FRMD6: variants seen among roughly 807,000 people sequenced by gnomAD.
The protein encoded by FRMD6 is FERM domain-containing protein 6.
A neutral mutation model predicts 73.2 loss-of-function variants in FRMD6; 37 were observed. The observed-to-expected ratio is 0.51, with a 90% CI of 0.39 to 0.66. FRMD6 has a LOEUF of 0.66. FRMD6 is among the 30% of genes least tolerant of loss of function. The pLI is 0.00. For missense variants in FRMD6, 714 were observed against 780.5 expected (o/e 0.91, Z 1.02); for synonymous variants, 273 against 282.2 (o/e 0.97, Z 0.33).
the FRMD6 span, among the ~76,000 whole-genome samples, chr14:51,428,995 G>GA: frequency 1.9e-3 from 256 of 136,140 alleles, 14 homozygotes; most frequent in African/African-American, 6.5e-3. Context: ...GAGAGAGGGT[G>GA]GGAGAGAGAG....
intron 10 of FRMD6, 43 bp downstream of exon 10, chr14:51,715,542 C>T: frequency 3.4e-6 from 5 of 1,490,670 alleles, no homozygotes; most frequent in Non-Finnish European, 3.6e-6. Context: ...GTACCTTTGC[C>T]ACCTGTGGCC....
chr14:51,517,412 A>G (rs1478718085), intron 1 of FRMD6, among the ~76,000 whole-genome samples: 1 of 152,212 alleles, frequency 6.6e-6, no homozygotes, highest in African/African-American at 2.4e-5. Context: ...AGATATAAAA[A>G]TCCTTAGTGA....
the FRMD6 span, among the ~76,000 whole-genome samples, chr14:51,472,812 A>G: frequency 1.3e-5 from 2 of 152,202 alleles, no homozygotes; most frequent in Non-Finnish European, 2.9e-5. Context: ...GTACTCAAGC[A>G]CTGAGGCGCC....
chr14:51,444,834 G>A, the FRMD6 span, among the ~76,000 whole-genome samples: 1 of 152,112 alleles, frequency 6.6e-6, no homozygotes, highest in Non-Finnish European at 1.5e-5. Context: ...GTCGATGTTG[G>A]TGTCTAGAGA....
intron 1 of FRMD6, among the ~76,000 whole-genome samples, chr14:51,495,490 G>C (rs865992366): frequency 3.3e-5 from 5 of 152,166 alleles, no homozygotes; most frequent in South Asian, 2.1e-4. Flanking sequence ...AGCTCTTCTG[G>C]CAAATTGCCA....
At chr14:51,591,777 G>A (rs973393216) in intron 2 of FRMD6, among the ~76,000 whole-genome samples, 1 of 152,074 alleles carries the variant, frequency 6.6e-6, no homozygotes, top group African/African-American at 2.4e-5. Flanking sequence ...TCCTGACTTC[G>A]TGATCCACCC....
chr14:51,694,543 T>G (rs1045811144), intron 2 of FRMD6, among the ~76,000 whole-genome samples: 1 of 151,984 alleles, frequency 6.6e-6, no homozygotes, highest in Non-Finnish European at 1.5e-5. Context: ...ATTTAAAAAT[T>G]AGCCAGGCAT....
the FRMD6 span, among the ~76,000 whole-genome samples, chr14:51,475,476 AG>A: frequency 1.3e-5 from 2 of 152,204 alleles, no homozygotes; most frequent in African/African-American, 4.8e-5. Context: ...CCCAGGTTCT[AG>A]GAGGGCTGTG....
intron 2 of FRMD6, among the ~76,000 whole-genome samples, chr14:51,592,920 C>T (rs945077651): frequency 6.6e-6 from 1 of 152,160 alleles, no homozygotes; most frequent in African/African-American, 2.4e-5. Context: ...CAATGAAAGA[C>T]AAAACCTGTG....
At chr14:51,696,721 C>A (rs1895960549) in intron 2 of FRMD6, among the ~76,000 whole-genome samples, 2 of 144,562 alleles carry the variant, frequency 1.4e-5, no homozygotes, top group South Asian at 4.4e-4. Context: ...AAGACCAGCC[C>A]AGGCAACGTA....
chr14:51,590,944 CT>C (rs1889349801), intron 2 of FRMD6, among the ~76,000 whole-genome samples: 1 of 152,224 alleles, frequency 6.6e-6, no homozygotes, highest in Non-Finnish European at 1.5e-5. Flanking sequence ...TTGCCTTTTT[CT>C]TCAAATGAAA....
chr14:51,484,002 G>C, the FRMD6 span, among the ~76,000 whole-genome samples: 1 of 152,170 alleles, frequency 6.6e-6, no homozygotes, highest in Non-Finnish European at 1.5e-5. Flanking sequence ...TATGAAGAGT[G>C]TGTGCTATTT....
intron 1 of FRMD6, among the ~76,000 whole-genome samples, chr14:51,656,417 C>CTT (rs1441277198): frequency 3.4e-5 from 5 of 147,298 alleles, no homozygotes; most frequent in African/African-American, 2.5e-5. Context: ...ATTTTCTTTT[C>CTT]TTTTTTTTTT....
At chr14:51,538,080 C>T (rs960766081) in intron 1 of FRMD6, among the ~76,000 whole-genome samples, 1 of 152,118 alleles carries the variant, frequency 6.6e-6, no homozygotes, top group Non-Finnish European at 1.5e-5. Flanking sequence ...GTCATCACTG[C>T]ACCCAAGGTC....
the FRMD6 span, among the ~76,000 whole-genome samples, chr14:51,408,394 C>T: frequency 6.6e-6 from 1 of 152,106 alleles, no homozygotes; most frequent in Non-Finnish European, 1.5e-5. Context: ...TTCAGGAATA[C>T]TGCTTGAATT....
intron 1 of FRMD6, among the ~76,000 whole-genome samples, chr14:51,539,421 T>C (rs1454438024): frequency 6.6e-6 from 1 of 152,188 alleles, no homozygotes; most frequent in Non-Finnish European, 1.5e-5. Context: ...GTTTTTCTCA[T>C]TATTATATTT....
rs138503326 is a variant in FRMD6 at position 51,556,407 on chromosome 14, T to C, written c.-209-13941T>C. Among the ~76,000 whole-genome samples, 51 of 152,358 alleles carry C rather than the reference T, an allele frequency of 3.3e-4. No homozygotes were observed. The East Asian group carries it at 7.1e-3, about 21-fold the overall frequency. On this transcript the variant is annotated intron_variant, in intron 1 of 14. Coordinates refer to the FRMD6 transcript ENST00000356218. ...CATTTCATAGCCCCAGTTTACTTTGTAGAATTTCACATTGTGAGTAGGTGA... is the reference window on the plus strand; with the variant it reads ...CATTTCATAGCCCCAGTTTACTTTGCAGAATTTCACATTGTGAGTAGGTGA...
intron 1 of FRMD6, among the ~76,000 whole-genome samples, chr14:51,556,792 G>T (rs1400810590): frequency 6.6e-6 from 1 of 152,054 alleles, no homozygotes; most frequent in Admixed American, 6.6e-5. Flanking sequence ...TTCCCGAGCT[G>T]CCCCTGTCTC....
chr14:51,536,967 A>G (rs1400758867), intron 1 of FRMD6, among the ~76,000 whole-genome samples: 3 of 152,164 alleles, frequency 2.0e-5, no homozygotes, highest in Non-Finnish European at 2.9e-5. Flanking sequence ...AGTCTCCCCA[A>G]CTATCAACAT....
Sources: allele counts gnomAD v4.1 joint callset (sites outside exome capture counted in the v4.1 genomes callset), GRCh38; gene constraint gnomAD v4.1.1; transcripts MANE v1.5; gene names NCBI Gene and HGNC (gene_info 2026-07-23, HGNC 2026-07-21).